The following FUT9 variants were observed in gnomAD, a reference collection of about 807,000 sequenced individuals.
FUT9 encodes 4-galactosyl-N-acetylglucosaminide 3-alpha-L-fucosyltransferase 9.
FUT9 carries 15 observed loss-of-function variants against 29.7 expected under a neutral mutation model. The observed-to-expected ratio is 0.51, with a 90% confidence interval of 0.34 to 0.78. The LOEUF is 0.78. Among genes scored for constraint, FUT9 ranks in the 30% least tolerant of loss-of-function variants. FUT9 has a pLI of 0.01. For synonymous variants in FUT9, 169 were observed against 153.7 expected, an observed-to-expected ratio of 1.10 and a Z score of -0.74; for missense variants, 319 against 425.4, an observed-to-expected ratio of 0.75 and a Z score of 2.20.
intron 2 of FUT9, among the ~76,000 whole-genome samples, chr6:96,154,324 T>C (rs1772735543): frequency 6.6e-6 from 1 of 152,222 alleles, no homozygotes; most frequent in African/African-American, 2.4e-5. Context: ...GTCATTTATA[T>C]AGTCAAATTA....
chr6:96,182,260 TTTGATGGAA>T (rs1464907773), intron 2 of FUT9, among the ~76,000 whole-genome samples: 16 of 152,158 alleles, frequency 1.1e-4, no homozygotes, highest in African/African-American at 3.1e-4. Flanking sequence ...TAGCCCACTT[TTTGATGGAA>T]TTGTTTTTTT....
chr6:96,158,243 GT>G (rs777556950), intron 2 of FUT9, among the ~76,000 whole-genome samples: 4 of 151,994 alleles, frequency 2.6e-5, no homozygotes, highest in Non-Finnish European at 5.9e-5. Context: ...CAAGGTGATG[GT>G]TTAATGGTCT....
intron 1 of FUT9, among the ~76,000 whole-genome samples, chr6:96,048,637 C>T (rs930363385): frequency 6.6e-6 from 1 of 152,156 alleles, no homozygotes; most frequent in African/African-American, 2.4e-5. Context: ...ATACTTAATG[C>T]TACATCTGGG....
Position 96,087,638 on chromosome 6 carries a change from T to G in FUT9, c.-97-26401T>G, listed in dbSNP as rs187818048. On this transcript the variant is annotated intron_variant, in intron 1 of 2. Coordinates refer to ENST00000302103, the MANE Select transcript of FUT9 (RefSeq NM_006581.4). ...CCTCGGCCTCCCAAAGTGCTGGAAT[T>G]ACATGCGTGAGCCACCACGTCCGGC... Among the ~76,000 whole-genome samples the G allele has an allele frequency of 4.7e-3, 723 of 152,282 alleles. 5 individuals carry two copies. The highest frequency in any genetic ancestry group is 0.017 in the African/African-American group (699 of 41,556).
intron 2 of FUT9, among the ~76,000 whole-genome samples, chr6:96,120,019 A>G (rs1232626137): frequency 1.3e-5 from 2 of 152,090 alleles, no homozygotes; most frequent in South Asian, 2.1e-4. Context: ...GTGATCCATT[A>G]TATATTTAAC....
intron 2 of FUT9, among the ~76,000 whole-genome samples, chr6:96,168,241 G>A (rs1421914439): frequency 6.6e-6 from 1 of 152,142 alleles, no homozygotes; most frequent in Non-Finnish European, 1.5e-5. Flanking sequence ...GATCAAGCAG[G>A]CATCTTCATA....
intron 1 of FUT9, among the ~76,000 whole-genome samples, chr6:96,065,438 G>T (rs557641474): frequency 6.6e-6 from 1 of 152,206 alleles, no homozygotes; most frequent in African/African-American, 2.4e-5. Flanking sequence ...TGAGAAGATT[G>T]CCAATGGTTA....
At chr6:96,037,987 C>T (rs1770392313) in intron 1 of FUT9, among the ~76,000 whole-genome samples, 2 of 142,004 alleles carry the variant, frequency 1.4e-5, no homozygotes, top group South Asian at 2.2e-4. Context: ...ACTATAGACA[C>T]CTGAAACATA....
chr6:96,054,221 T>C (rs2127940053), intron 1 of FUT9, among the ~76,000 whole-genome samples: 1 of 152,290 alleles, frequency 6.6e-6, no homozygotes, highest in South Asian at 2.1e-4. Context: ...CTTTACTAAG[T>C]CTTTACTCTG....
At chr6:96,122,667 C>T (rs1772051125) in intron 2 of FUT9, among the ~76,000 whole-genome samples, 1 of 151,974 alleles carries the variant, frequency 6.6e-6, no homozygotes, top group Admixed American at 6.6e-5. Context: ...TTGGATTGTA[C>T]TTGAGTTTTC....
chr6:96,149,824 C>A (rs968681783), intron 2 of FUT9, among the ~76,000 whole-genome samples: 1 of 151,976 alleles, frequency 6.6e-6, no homozygotes, highest in African/African-American at 2.4e-5. Context: ...TCACCTTAAG[C>A]TTTTATCATT....
intron 1 of FUT9, among the ~76,000 whole-genome samples, chr6:96,072,855 A>G (rs2127948027): frequency 6.6e-6 from 1 of 152,332 alleles, no homozygotes; most frequent in East Asian, 1.9e-4. Context: ...GCTAATGGAT[A>G]CTTTCTAGTA....
intron 1 of FUT9, among the ~76,000 whole-genome samples, chr6:96,094,612 G>A (rs1022172439): frequency 5.9e-5 from 9 of 151,996 alleles, no homozygotes; most frequent in Non-Finnish European, 1.0e-4. Flanking sequence ...TTGGGGTCTT[G>A]GAATGTATCT....
At chr6:96,069,922 C>T (rs936765048) in intron 1 of FUT9, among the ~76,000 whole-genome samples, 1 of 152,012 alleles carries the variant, frequency 6.6e-6, no homozygotes, top group Non-Finnish European at 1.5e-5. Flanking sequence ...TGAGCCACCG[C>T]ACCCAGCTAA....
intron 1 of FUT9, among the ~76,000 whole-genome samples, chr6:96,034,408 G>A (rs1180385288): frequency 6.6e-6 from 1 of 151,220 alleles, no homozygotes; most frequent in Non-Finnish European, 1.5e-5. Flanking sequence ...AAATCAAACT[G>A]GCGGAGAAAA....
intron 1 of FUT9, among the ~76,000 whole-genome samples, chr6:96,103,881 C>T (rs1489359784): frequency 6.6e-6 from 1 of 151,970 alleles, no homozygotes; most frequent in Non-Finnish European, 1.5e-5. Context: ...TTGGTGGATC[C>T]ATCTTAACTT....
intron 1 of FUT9, among the ~76,000 whole-genome samples, chr6:96,102,538 G>A (rs1771605567): frequency 6.6e-6 from 1 of 152,000 alleles, no homozygotes; most frequent in Admixed American, 6.6e-5. Context: ...TTCTCTCAAA[G>A]CTGACCCAAA....
At chr6:96,118,152 C>T (rs1364397048) in intron 2 of FUT9, among the ~76,000 whole-genome samples, 1 of 150,466 alleles carries the variant, frequency 6.6e-6, no homozygotes. Context: ...TTGCAGTGAG[C>T]CAAGATTGCA....
rs570287207 is a variant in FUT9 at position 96,124,681 on chromosome 6, A to G, written c.-9+10554A>G. Among the ~76,000 whole-genome samples, 5 of 152,048 alleles carry G rather than the reference A, an allele frequency of 3.3e-5. No individual in the cohort carries two copies. The South Asian group carries it at 1.0e-3, about 32-fold the overall frequency. On this transcript the variant is annotated intron_variant, in intron 2 of 2. Transcript: ENST00000302103. ...CCTCCTGAATTTTGCTCTCCTCCAT[A>G]GTCAACAATTTTGTACGCCTCCTTT...
Sources: gnomAD v4.1 joint callset for allele counts (sites outside exome capture counted in the v4.1 genomes callset) on GRCh38, gnomAD v4.1.1 for gene constraint, MANE v1.5 for transcripts, NCBI Gene and HGNC (gene_info 2026-07-23, HGNC 2026-07-21) for gene names.